Variants in TUSC3 observed in about 807,000 individuals in gnomAD.
TUSC3 encodes the protein dolichyl-diphosphooligosaccharide--protein glycosyltransferase subunit TUSC3.
Under a neutral mutation model 44.8 loss-of-function variants are expected in TUSC3, and 45 were observed. The observed-to-expected ratio is 1.00, with a 90% confidence interval of 0.79 to 1.29. The LOEUF (loss-of-function observed/expected upper bound fraction) is 1.29. TUSC3 is among the 50% of genes most tolerant of loss of function. The pLI, the probability that TUSC3 is intolerant of heterozygous loss-of-function variation, is 0.00. For missense variants in TUSC3, 519 were observed against 437.9 expected (o/e 1.19, Z -1.65); for synonymous variants, 212 against 152.9 (o/e 1.39, Z -2.85).
Position 15,513,349 on chromosome 8 carries a change from T to A in TUSC3, n.189+29866T>A, listed in dbSNP as rs546554706. Among the ~76,000 whole-genome samples, 88 of 152,292 alleles carry A rather than the reference T, an allele frequency of 5.8e-4. 2 individuals carry two copies. Among genetic ancestry groups the A allele is most frequent in the Admixed American group, 4.1e-3 (63 of 15,284 alleles). On this transcript the variant is annotated intron_variant and non_coding_transcript_variant, in intron 2 of 5. Transcript: ENST00000503191. Reference sequence around the variant, plus strand: ...TTTTAAATGACCATTAATGAGGAGATGGAAGTTGCTGGTTGGAAGTAAATT... The same window carrying A: ...TTTTAAATGACCATTAATGAGGAGAAGGAAGTTGCTGGTTGGAAGTAAATT...
intron 3 of TUSC3, among the ~76,000 whole-genome samples, chr8:15,652,452 A>C (rs373510123): frequency 2.0e-5 from 3 of 152,028 alleles, no homozygotes; most frequent in Non-Finnish European, 4.4e-5. Context: ...ATTTCTTTAT[A>C]TTCATCTATT....
chr8:15,685,303 G>A (rs1808584842), intron 6 of TUSC3, among the ~76,000 whole-genome samples: 1 of 151,536 alleles, frequency 6.6e-6, no homozygotes, highest in African/African-American at 2.4e-5. Context: ...ACAGGAGGCC[G>A]GTCCTAGTGC....
intron 2 of TUSC3, among the ~76,000 whole-genome samples, chr8:15,502,870 G>C (rs1005508055): frequency 6.6e-6 from 1 of 152,174 alleles, no homozygotes; most frequent in Non-Finnish European, 1.5e-5. Flanking sequence ...TTCCCAAAAA[G>C]AATGCCAGTG....
the TUSC3 span, among the ~76,000 whole-genome samples, chr8:15,817,431 T>C: frequency 4.6e-5 from 7 of 152,026 alleles, no homozygotes; most frequent in Non-Finnish European, 1.0e-4. Context: ...ACAAATGTGG[T>C]TTGGCTTGGT....
At chr8:15,703,262 AATTATAG>A (rs1809481007) in intron 6 of TUSC3, among the ~76,000 whole-genome samples, 1 of 152,156 alleles carries the variant, frequency 6.6e-6, no homozygotes, top group Non-Finnish European at 1.5e-5. Context: ...GAGCCTAATT[AATTATAG>A]ATTATAATAT....
chr8:15,544,596 T>C (rs1391500283), intron 1 of TUSC3, among the ~76,000 whole-genome samples: 1 of 151,836 alleles, frequency 6.6e-6, no homozygotes, highest in Non-Finnish European at 1.5e-5. Flanking sequence ...GTACATTTTA[T>C]ATTGGGATGT....
chr8:15,810,109 G>C, the TUSC3 span, among the ~76,000 whole-genome samples: 2 of 152,038 alleles, frequency 1.3e-5, no homozygotes, highest in African/African-American at 4.8e-5. Flanking sequence ...GTGTGTCCTT[G>C]GACCAGCAGC....
In TUSC3 at chr8:15,544,516, A is replaced by G. The variant is rs533790637; in HGVS notation, c.138+3948A>G. Among the ~76,000 whole-genome samples the G allele has an allele frequency of 1.2e-3, 187 of 151,958 alleles. 6 individuals carry two copies. Among genetic ancestry groups the G allele is most frequent in the Middle Eastern group, 3.4e-3 (1 of 294 alleles). ...AGAGCTCATGTTTTCTAAGCGATCA[A>G]TTGTTTGACTAAATAAAACATATTT... On this transcript the variant is annotated intron_variant, in intron 1 of 10. Transcript: ENST00000503731.
At chr8:15,836,015 A>C in the TUSC3 span, among the ~76,000 whole-genome samples, 1 of 152,136 alleles carries the variant, frequency 6.6e-6, no homozygotes, top group Non-Finnish European at 1.5e-5. Flanking sequence ...TATATAAAGT[A>C]ACTTTATTTC....
chr8:15,453,757 G>A (rs530634394), intron 1 of TUSC3, among the ~76,000 whole-genome samples: 12 of 152,142 alleles, frequency 7.9e-5, no homozygotes, highest in African/African-American at 1.2e-4. Context: ...AGAGCAGGGC[G>A]GGAGAGGGCT....
intron 1 of TUSC3, among the ~76,000 whole-genome samples, chr8:15,581,398 A>T (rs1288104673): frequency 3.4e-5 from 5 of 147,740 alleles, no homozygotes; most frequent in East Asian, 3.9e-4. Context: ...GGCGCTCTGC[A>T]TTTTAGAGTT....
the TUSC3 span, among the ~76,000 whole-genome samples, chr8:15,849,473 T>C: frequency 3.7e-3 from 556 of 152,200 alleles, 4 homozygotes; most frequent in African/African-American, 0.012. Context: ...AGTTAAGCTC[T>C]GGGGAAAAGT....
At chr8:15,842,565 T>C in the TUSC3 span, among the ~76,000 whole-genome samples, 4 of 152,036 alleles carry the variant, frequency 2.6e-5, no homozygotes, top group Non-Finnish European at 4.4e-5. Context: ...TGGAGCAAAA[T>C]GATGAGGGCA....
At chr8:15,445,770 C>G (rs1173291136) in intron 1 of TUSC3, among the ~76,000 whole-genome samples, 3 of 152,248 alleles carry the variant, frequency 2.0e-5, no homozygotes, top group Non-Finnish European at 4.4e-5. Context: ...CCACATTTCC[C>G]CCTTTTCTAT....
At chr8:15,786,808 G>C in the TUSC3 span, among the ~76,000 whole-genome samples, 309 of 151,962 alleles carry the variant, frequency 2.0e-3, 3 homozygotes, top group Non-Finnish European at 1.4e-3. Flanking sequence ...GCTGGGTGTG[G>C]TGGTGGGCGC....
chr8:15,560,822 A>C (rs1192831301), intron 1 of TUSC3, among the ~76,000 whole-genome samples: 1 of 99,612 alleles, frequency 1.0e-5, no homozygotes, highest in African/African-American at 3.7e-5. Flanking sequence ...TGCATTCTTC[A>C]CGTAGTTCTC....
At chr8:15,606,287 C>G (rs1162049826) in intron 1 of TUSC3, among the ~76,000 whole-genome samples, 2 of 151,790 alleles carry the variant, frequency 1.3e-5, no homozygotes, top group Admixed American at 6.6e-5. Context: ...GTATTTTGTC[C>G]TATGATTTCT....
the TUSC3 span, among the ~76,000 whole-genome samples, chr8:15,810,525 C>G: frequency 0.029 from 4,404 of 152,038 alleles, 213 homozygotes; most frequent in African/African-American, 0.1. Flanking sequence ...GTGGTCCCAG[C>G]TACTTGGGAG....
chr8:15,807,776 A>G, the TUSC3 span, among the ~76,000 whole-genome samples: 1 of 152,216 alleles, frequency 6.6e-6, no homozygotes, highest in African/African-American at 2.4e-5. Flanking sequence ...AAAAACAAAT[A>G]CTGCATGTTC....
Sources: gnomAD v4.1 joint callset for allele counts (sites outside exome capture counted in the v4.1 genomes callset) on GRCh38, gnomAD v4.1.1 for gene constraint, MANE v1.5 for transcripts, NCBI Gene and HGNC (gene_info 2026-07-23, HGNC 2026-07-21) for gene names.